CTNNBIP1: variants seen among roughly 807,000 people sequenced by gnomAD.
CTNNBIP1 encodes catenin beta interacting protein 1.
Under a neutral mutation model 11.8 loss-of-function variants are expected in CTNNBIP1, and 7 were observed. That is an observed-to-expected ratio of 0.60 (90% CI 0.34 to 1.12). CTNNBIP1 has a LOEUF of 1.12. Ranked by LOEUF, CTNNBIP1 falls within the 50% of genes most tolerant of loss-of-function variation. CTNNBIP1 has a pLI of 0.03. For missense variants in CTNNBIP1, 101 were observed against 113.4 expected, an observed-to-expected ratio of 0.89 and a Z score of 0.50; for synonymous variants, 58 against 43.9, an observed-to-expected ratio of 1.32 and a Z score of -1.26.
rs777994158 is a variant in CTNNBIP1, at chr1:9,872,033, G to T, written c.32C>A (p.Pro11Gln). 1.2e-6 allele frequency: 2 copies of T among 1,614,058 alleles called. No homozygotes were observed. Among genetic ancestry groups the T allele is most frequent in the African/African-American group, 2.7e-5 (2 of 74,942 alleles). Residue 11 changes from proline (P) to glutamine (Q), a missense_variant, in exon 4 of 6, where the codon CCG becomes CAG. Coordinates refer to ENST00000377263, the MANE Select transcript of CTNNBIP1 (RefSeq NM_020248.3). This position sits in a 1 kb window ranked among gnomAD's most constrained non-coding sequence, Gnocchi z 4.0. ...CTTCTGCTGAATGTACATCTCCTCCGGACTCTTCCCGGGAGCTCCCTCGCG... is the reference window on the plus strand; with the variant it reads ...CTTCTGCTGAATGTACATCTCCTCCTGACTCTTCCCGGGAGCTCCCTCGCG... Reference protein sequence around the residue: MNREGAPGKSPEEMYIQQKVR... With the variant: MNREGAPGKSQEEMYIQQKVR...
rs1638917243 is a variant in CTNNBIP1, at chr1:9,874,072, A to G, written c.-24-1984T>C. ...TCATAATCCTTGCCAAGACCCTGCC[A>G]GGGCTCCGCTGTCAGCCCTGCCTCC... is the stretch of plus-strand genomic sequence containing the variant. On this transcript the variant is annotated intron_variant, in intron 3 of 5. Coordinates refer to ENST00000377263, the MANE Select transcript of CTNNBIP1 (RefSeq NM_020248.3). Among the ~76,000 whole-genome samples, 3 of 152,162 alleles carry G rather than the reference A, an allele frequency of 2.0e-5. No individual in the cohort carries two copies. The South Asian group carries it at 6.2e-4, about 31-fold the overall frequency.
chr1:9,881,169 G>C (rs1639072898), intron 2 of CTNNBIP1, among the ~76,000 whole-genome samples: 2 of 151,744 alleles, frequency 1.3e-5, no homozygotes, highest in Middle Eastern at 3.4e-3. Context: ...CTGCATGGCT[G>C]AACCACAGGC....
Position 9,864,486 on chromosome 1 carries a change from G to A in CTNNBIP1, c.187+6701C>T, listed in dbSNP as rs1050477513. On this transcript the variant is annotated intron_variant, in intron 5 of 5. Coordinates refer to ENST00000377263, the MANE Select transcript of CTNNBIP1 (RefSeq NM_020248.3). ...CAGGACTACAGGCGCCCGCCACCACGCCCGGCTAATTTTTTGTATTTTTAG... is the reference window on the plus strand; with the variant it reads ...CAGGACTACAGGCGCCCGCCACCACACCCGGCTAATTTTTTGTATTTTTAG... Among the ~76,000 whole-genome samples the A allele has an allele frequency of 1.2e-4, 19 of 152,310 alleles. No individual in the cohort carries two copies. In the East Asian group the frequency reaches 1.9e-3, roughly 15 times the overall value.
rs1638857147 is a variant in CTNNBIP1 at position 9,871,353 on chromosome 1, C to A, written c.97-76G>T. The A allele has an allele frequency of 9.1e-7, 1 of 1,093,784 alleles. No individual in the cohort carries two copies. Among genetic ancestry groups the A allele is most frequent in the Non-Finnish European group, 1.3e-6 (1 of 741,138 alleles). 67.8% of individuals were successfully genotyped at this position (1,093,784 alleles called of 1,614,324 possible). On this transcript the variant is annotated intron_variant, in intron 4 of 5. Transcript: ENST00000377263. This position sits in a 1 kb window ranked among gnomAD's most constrained non-coding sequence, Gnocchi z 5.2. ...AAGGCACCTGCACCCCTAGAGGCAC[C>A]GCCTAGGCCTGCTTGGTCCCTGCTT... is the stretch of plus-strand genomic sequence containing the variant.
intron 1 of CTNNBIP1, among the ~76,000 whole-genome samples, chr1:9,905,726 G>A (rs559643335): frequency 4.0e-5 from 6 of 150,238 alleles, no homozygotes; most frequent in Admixed American, 3.3e-4. Context: ...CACCGCGCCC[G>A]GCCTCACCAC....
At chr1:9,881,432 C>T (rs1238590924) in intron 2 of CTNNBIP1, among the ~76,000 whole-genome samples, 1 of 149,382 alleles carries the variant, frequency 6.7e-6, no homozygotes, top group Non-Finnish European at 1.5e-5. Flanking sequence ...CTCCGCCTCC[C>T]AGGTTCAAGC....
chr1:9,858,214 C>T (rs1401767876), intron 5 of CTNNBIP1, among the ~76,000 whole-genome samples: 1 of 152,156 alleles, frequency 6.6e-6, no homozygotes, highest in Non-Finnish European at 1.5e-5. Context: ...GACCTCCTCT[C>T]GCTGGCCCCT....
intron 5 of CTNNBIP1, among the ~76,000 whole-genome samples, chr1:9,856,824 T>A (rs1638511752): frequency 6.6e-6 from 1 of 151,304 alleles, no homozygotes; most frequent in South Asian, 2.1e-4. Flanking sequence ...CATAAAGAAC[T>A]CTTAAAACTC....
chr1:9,871,269 G>T lies in CTNNBIP1; in HGVS notation c.105C>A (p.Ala35=). Reference sequence around the variant, plus strand: ...AGGTGCGCAGGAACTCCTCCTCGCTGGCTGTCAGCTGCAGGGTGAGAGAGC... The same window carrying T: ...AGGTGCGCAGGAACTCCTCCTCGCTTGCTGTCAGCTGCAGGGTGAGAGAGC... ...MLRKMGSNLT[A]SEEEFLRTYA... Residue 35 remains alanine, a synonymous_variant, in exon 5 of 6, where the codon GCC becomes GCA. Transcript: ENST00000377263. The surrounding 1 kb of genome is among the most constrained non-coding windows in gnomAD (Gnocchi z 5.2). 1.3e-6 allele frequency: 2 copies of T among 1,568,150 alleles called. No homozygotes were observed. The highest frequency in any genetic ancestry group is 1.2e-5 in the South Asian group (1 of 85,162).
chr1:9,880,849 G>A (rs191387829), intron 2 of CTNNBIP1, among the ~76,000 whole-genome samples: 1 of 152,146 alleles, frequency 6.6e-6, no homozygotes, highest in Non-Finnish European at 1.5e-5. Flanking sequence ...GCCAGTGATT[G>A]CTCTTCTGTG....
chr1:9,862,214 C>G (rs1638646183), intron 5 of CTNNBIP1, among the ~76,000 whole-genome samples: 1 of 152,180 alleles, frequency 6.6e-6, no homozygotes, highest in South Asian at 2.1e-4. Flanking sequence ...CACCTAAAAC[C>G]CTGACATATT....
chr1:9,871,307 C>G lies in CTNNBIP1; in HGVS notation c.97-30G>C. 6.7e-7 allele frequency: 1 copy of G among 1,500,528 alleles called. No individual in the cohort carries two copies. The highest frequency in any genetic ancestry group is 1.9e-4 in the Middle Eastern group (1 of 5,324). The allele number at this position is 1,500,528 out of a possible 1,614,324, so 93.0% of individuals were successfully genotyped here. On this transcript the variant is annotated intron_variant, in intron 4 of 5. Coordinates refer to ENST00000377263, the MANE Select transcript of CTNNBIP1 (RefSeq NM_020248.3). The surrounding 1 kb of genome is among the most constrained non-coding windows in gnomAD (Gnocchi z 5.2). ...AGGGTGAGAGAGCTGTGGTGAGGGG[C>G]AGCATGCACCTGTTCCCTGAAAGGC...
At chr1:9,892,283 G>T (rs182706538) in intron 1 of CTNNBIP1, among the ~76,000 whole-genome samples, 2 of 152,084 alleles carry the variant, frequency 1.3e-5, no homozygotes. Context: ...TTAGCCAGGC[G>T]TGGTGGTGGG....
rs1476800832 is a variant in CTNNBIP1 at position 9,850,134 on chromosome 1, T to C, written c.*584A>G. On this transcript the variant is annotated 3_prime_UTR_variant, in exon 6 of 6. Transcript: ENST00000377263. ...TGAAGGCAGCAGCAAGTTCTTTGTG[T>C]AATAAATATTGCAAAGCGCACTTGG... 1 of 152,704 alleles carries C rather than the reference T, an allele frequency of 6.5e-6. No homozygotes were observed. Among genetic ancestry groups the C allele is most frequent in the Non-Finnish European group, 1.5e-5 (1 of 68,088 alleles). 9.5% of individuals were successfully genotyped at this position (152,704 alleles called of 1,614,324 possible).
At chr1:9,858,555 A>G (rs1420977856) in intron 5 of CTNNBIP1, among the ~76,000 whole-genome samples, 1 of 152,058 alleles carries the variant, frequency 6.6e-6, no homozygotes, top group Admixed American at 6.5e-5. Flanking sequence ...AGTTTATCCC[A>G]TGGTTCTTGC....
intron 1 of CTNNBIP1, among the ~76,000 whole-genome samples, chr1:9,891,156 G>C (rs1007092252): frequency 1.1e-4 from 16 of 151,710 alleles, no homozygotes; most frequent in Non-Finnish European, 2.2e-4. Context: ...TTTTTGGCGG[G>C]GGTGGGGGGC....
At chr1:9,880,896 G>A (rs189282478) in intron 2 of CTNNBIP1, among the ~76,000 whole-genome samples, 6 of 152,288 alleles carry the variant, frequency 3.9e-5, no homozygotes, top group Admixed American at 6.5e-5. Context: ...GAGATAGATC[G>A]TGACCTCTAT....
At chr1:9,898,694 G>A (rs1387391754) in intron 1 of CTNNBIP1, among the ~76,000 whole-genome samples, 1 of 152,146 alleles carries the variant, frequency 6.6e-6, no homozygotes, top group African/African-American at 2.4e-5. Context: ...TTGTCCCTCA[G>A]TATCCATTGG....
chr1:9,868,010 T>C (rs1440305773), intron 5 of CTNNBIP1, among the ~76,000 whole-genome samples: 3 of 152,226 alleles, frequency 2.0e-5, no homozygotes, highest in Non-Finnish European at 2.9e-5. Flanking sequence ...TTGTTTGTGG[T>C]GTCGTTAGGC....
Sources: gnomAD v4.1 joint callset for allele counts (sites outside exome capture counted in the v4.1 genomes callset) on GRCh38, gnomAD v4.1.1 for gene constraint, Gnocchi (gnomAD v3.1) non-coding constraint, MANE v1.5 for transcripts, NCBI Gene and HGNC (gene_info 2026-07-23, HGNC 2026-07-21) for gene names.